Variants in LSP1 observed in about 807,000 individuals in gnomAD.
The protein encoded by LSP1 is lymphocyte specific protein 1.
In LSP1, 32 loss-of-function variants were observed where a neutral mutation model predicts 49.3. That is an observed-to-expected ratio of 0.65 (90% CI 0.49 to 0.87). The LOEUF is 0.87. Ranked by LOEUF, LSP1 falls within the 40% of genes least tolerant of loss-of-function variation. The pLI, the probability that LSP1 is intolerant of heterozygous loss-of-function variation, is 0.00. For synonymous variants in LSP1, 179 were observed against 178.8 expected (o/e 1.00, Z -0.01); for missense variants, 428 against 442.6 (o/e 0.97, Z 0.30).
chr11:1,875,724 C>CG (rs1035303581), intron 1 of LSP1, among the ~76,000 whole-genome samples: 1 of 152,206 alleles, frequency 6.6e-6, no homozygotes, highest in African/African-American at 2.4e-5. Flanking sequence ...CTAGAGGCCC[C>CG]GGGGGGGAGG....
intron 1 of LSP1, chr11:1,869,060 A>AG (rs2133075229): frequency 1.0e-6 from 1 of 967,394 alleles, no homozygotes; most frequent in East Asian, 1.1e-4. Flanking sequence ...AGCTTGTGGG[A>AG]GAGAAGCCCT....
intron 1 of LSP1, among the ~76,000 whole-genome samples, chr11:1,854,477 C>T (rs1324680473): frequency 6.6e-6 from 1 of 152,194 alleles, no homozygotes. Context: ...TGTCTGTGTC[C>T]TTGGTGGCCG....
At chr11:1,881,195 G>T in intron 2 of LSP1, 1 of 496,882 alleles carries the variant, frequency 2.0e-6, no homozygotes, top group South Asian at 2.7e-5. Context: ...GCCTCAAGGA[G>T]TCCTGGACTG....
At chr11:1,885,544 A>G (rs1358041652) in intron 7 of LSP1, among the ~76,000 whole-genome samples, 1 of 150,378 alleles carries the variant, frequency 6.6e-6, no homozygotes, top group African/African-American at 2.5e-5. Flanking sequence ...TATCCCATCA[A>G]TTTCCCTCCA....
At chr11:1,868,287 G>C (rs970877801) in intron 1 of LSP1, among the ~76,000 whole-genome samples, 3 of 152,160 alleles carry the variant, frequency 2.0e-5, no homozygotes, top group African/African-American at 7.2e-5. Flanking sequence ...GATCAGCCTG[G>C]CAGACGTTCT....
In LSP1 at chr11:1,881,600, A is replaced by C; in HGVS notation, c.356+4A>C. On this transcript the variant is annotated splice_donor_region_variant and intron_variant, in intron 3 of 10. Transcript: ENST00000311604. ...CTGAGGGGGAGCAAGAGGACAGGTG[A>C]GTGAGGGCCTCGAGGGCGGGCGCTG... 1 of 1,384,750 alleles carries C rather than the reference A, an allele frequency of 7.2e-7. No individual in the cohort carries two copies. The highest frequency in any genetic ancestry group is 9.5e-7 in the Non-Finnish European group (1 of 1,051,510). 85.8% of individuals were successfully genotyped at this position (1,384,750 alleles called of 1,614,324 possible). A position where few individuals can be genotyped will look rare whatever the true frequency, so the allele number is the denominator to read the frequency against.
intron 2 of LSP1, chr11:1,881,039 CAG>C (rs1343152155): frequency 6.1e-6 from 1 of 162,720 alleles, no homozygotes; most frequent in Non-Finnish European, 1.3e-5. Context: ...CACAGGCTGA[CAG>C]GGGAGGCACA....
intron 1 of LSP1, among the ~76,000 whole-genome samples, chr11:1,872,172 G>C (rs1848052075): frequency 7.0e-6 from 1 of 142,380 alleles, no homozygotes. Flanking sequence ...TGGTAGAGTT[G>C]GGGTCTGTCC....
At position 1,866,427 on chromosome 11, in the gene LSP1, C is replaced by T. The variant is rs1373322187; in HGVS notation, c.53+13230C>T. ...GAGGAGTTGAGGGCAGCCCGGCTCA[C>T]CCCTCCTCCCCAGCTCCCACTTGTT... On this transcript the variant is annotated intron_variant, in intron 1 of 10. Coordinates refer to ENST00000311604, the MANE Select transcript of LSP1 (RefSeq NM_002339.3). The T allele has an allele frequency of 2.8e-6, 4 of 1,441,290 alleles. No homozygotes were observed. In the East Asian group the frequency reaches 7.5e-5, roughly 27 times the overall value. The allele number at this position is 1,441,290 out of a possible 1,614,324, so 89.3% of individuals were successfully genotyped here. A position where few individuals can be genotyped will look rare whatever the true frequency, so the allele number is the denominator to read the frequency against.
intron 1 of LSP1, chr11:1,869,762 G>A (rs754070705): frequency 1.1e-5 from 5 of 466,514 alleles, no homozygotes; most frequent in East Asian, 1.4e-4. Context: ...AGGAGAGGGC[G>A]GGCGAGGAAA....
intron 10 of LSP1, chr11:1,890,060 G>A (rs931035639): frequency 2.5e-5 from 18 of 709,482 alleles, no homozygotes; most frequent in African/African-American, 5.3e-5. Flanking sequence ...TGACGTGGGT[G>A]CCCCCACCCC....
intron 1 of LSP1, among the ~76,000 whole-genome samples, chr11:1,876,019 G>A (rs1848295908): frequency 6.6e-6 from 1 of 152,254 alleles, no homozygotes; most frequent in Admixed American, 6.5e-5. Flanking sequence ...GCTCATGTGA[G>A]CAGTGCCCCA....
chr11:1,870,771 C>A (rs1035339480), intron 1 of LSP1: 3 of 990,404 alleles, frequency 3.0e-6, no homozygotes, highest in Non-Finnish European at 3.6e-6. Context: ...TACATCTGGG[C>A]ATGGCTAGCT....
chr11:1,853,735 G>T (rs889530218), intron 1 of LSP1, among the ~76,000 whole-genome samples: 2 of 152,216 alleles, frequency 1.3e-5, no homozygotes, highest in African/African-American at 4.8e-5. Flanking sequence ...TTGACCTGCG[G>T]TAAAGGACAA....
chr11:1,868,895 C>T (rs947996750), intron 1 of LSP1: 34 of 985,930 alleles, frequency 3.4e-5, no homozygotes, highest in Non-Finnish European at 4.1e-5. Context: ...CCCCCAGATG[C>T]CCCTGCTGGA....
intron 3 of LSP1, among the ~76,000 whole-genome samples, chr11:1,881,878 G>A (rs949288714): frequency 7.7e-4 from 118 of 152,276 alleles, no homozygotes; most frequent in African/African-American, 2.7e-3. Flanking sequence ...GCGAGGGGCC[G>A]CGAGGAAACC....
chr11:1,876,437 C>A lies in LSP1; in HGVS notation c.54-3650C>A, dbSNP rs559257811. The A allele has an allele frequency of 3.7e-3, 3,602 of 985,112 alleles. 6 individuals are homozygous for A. Among genetic ancestry groups the A allele is most frequent in the Non-Finnish European group, 4.1e-3 (3,437 of 829,596 alleles). The allele number at this position is 985,112 out of a possible 1,614,324, so 61.0% of individuals were successfully genotyped here. A position where few individuals can be genotyped will look rare whatever the true frequency, so the allele number is the denominator to read the frequency against. On this transcript the variant is annotated intron_variant, in intron 1 of 10. Transcript: ENST00000311604. ...GTCAGGCCTGGAGGAGAAGCTCCCC[C>A]TCCCCTCGACATCCTCCCCGCAGCC...
At chr11:1,871,845 A>G (rs1248455152) in intron 1 of LSP1, among the ~76,000 whole-genome samples, 323 of 46,300 alleles carry the variant, frequency 7.0e-3, no homozygotes, top group South Asian at 0.016. Context: ...TGTGTGTGGC[A>G]GGCAGGCCTG....
chr11:1,870,166 G>T (rs1295320018), intron 1 of LSP1: 1 of 765,508 alleles, frequency 1.3e-6, no homozygotes, highest in Non-Finnish European at 2.0e-6. Context: ...GAGGACCAAG[G>T]CCGGTCCACT....
Sources: allele counts gnomAD v4.1 joint callset (sites outside exome capture counted in the v4.1 genomes callset), GRCh38; gene constraint gnomAD v4.1.1; transcripts MANE v1.5; gene names NCBI Gene and HGNC (gene_info 2026-07-23, HGNC 2026-07-21).